SYT13: variants seen among roughly 807,000 people sequenced by gnomAD.
SYT13 encodes synaptotagmin 13.
A neutral mutation model predicts 38.6 loss-of-function variants in SYT13; 21 were observed. The observed-to-expected ratio is 0.54, with a 90% CI of 0.39 to 0.78. The LOEUF is 0.78. SYT13 is among the 30% of genes least tolerant of loss of function. SYT13 has a pLI of 0.00. For synonymous variants in SYT13, 241 were observed against 237.6 expected, an observed-to-expected ratio of 1.01 and a Z score of -0.13; for missense variants, 495 against 548.7, an observed-to-expected ratio of 0.90 and a Z score of 0.98.
In SYT13 at chr11:45,254,290, A is replaced by C. The variant is rs760342964; in HGVS notation, c.524T>G (p.Leu175Trp). 1 of 1,612,452 alleles carries C rather than the reference A, an allele frequency of 6.2e-7. No homozygotes were observed. Among genetic ancestry groups the C allele is most frequent in the Non-Finnish European group, 8.5e-7 (1 of 1,179,468 alleles). The change falls in exon 3 of 6, where the codon TTG becomes TGG. Residue 175 changes from leucine (L) to tryptophan (W), a missense_variant. By Grantham distance (61) the Leu-to-Trp change is moderately conservative. Transcript: ENST00000020926. ...CLDYDCQKAELFVTRLEAVTS... is the reference protein window; with the variant it reads ...CLDYDCQKAEWFVTRLEAVTS... ...CATACCTTCCAGGCGAGTCACAAAC[A>C]ATTCTGCCTTCTGACAGTCATAGTC...
intron 4 of SYT13, among the ~76,000 whole-genome samples, chr11:45,247,690 T>C (rs1202863503): frequency 6.6e-6 from 1 of 152,230 alleles, no homozygotes; most frequent in Admixed American, 6.5e-5. Context: ...AATCGGTTTT[T>C]CTTTGCTCAC....
chr11:45,269,458 C>A, intron 1 of SYT13: 3 of 1,282,756 alleles, frequency 2.3e-6, no homozygotes, highest in Non-Finnish European at 3.0e-6. Context: ...GCAGTCACAT[C>A]ACAAAGCCCT....
At position 45,244,371 on chromosome 11, in the gene SYT13, AG is replaced by A. The variant is rs1854590434; in HGVS notation, c.977-16del. On this transcript the variant is annotated splice_polypyrimidine_tract_variant and intron_variant, in intron 5 of 5. Transcript: ENST00000020926. Reference sequence around the variant, plus strand: ...GACAGAGACATCTGGGGAGGGGCAGAGGGGAAAAAGAGACAGAGAGAAGGGA... The same window carrying A: ...GACAGAGACATCTGGGGAGGGGCAGAGGGAAAAAGAGACAGAGAGAAGGGA... 1.9e-6 allele frequency: 3 copies of A among 1,605,004 alleles called. No homozygotes were observed. Among genetic ancestry groups the A allele is most frequent in the Non-Finnish European group, 2.6e-6 (3 of 1,174,428 alleles).
Position 45,244,121 on chromosome 11 carries a change from G to A in SYT13, c.1212C>T (p.Arg404=), listed in dbSNP as rs909625379. ...TTTTGAGCATCTCCTCCCAGTGGCT[G>A]CGCTCAGAGCCCGAGGTGTGCAGGC... ...SLGLHTSGSE[R]SHWEEMLKNP... Residue 404 remains arginine, a synonymous_variant, in exon 6 of 6, where the codon CGC becomes CGT. Transcript: ENST00000020926. 3 of 1,612,898 alleles carry A rather than the reference G, an allele frequency of 1.9e-6. No individual in the cohort carries two copies. Among genetic ancestry groups the A allele is most frequent in the Non-Finnish European group, 1.7e-6 (2 of 1,179,766 alleles).
rs1288657513 is a variant in SYT13 at position 45,285,828 on chromosome 11, T to C, written c.183+197A>G. 4.2e-6 allele frequency: 3 copies of C among 714,684 alleles called. No homozygotes were observed. The African/African-American group carries it at 5.3e-5, about 13-fold the overall frequency. The allele number at this position is 714,684 out of a possible 1,614,324, so 44.3% of individuals were successfully genotyped here. Reference sequence around the variant, plus strand: ...CTCCCTAATTCTCCTTCAGGTCTCGTCTCCCCCATCCCCTAGCCTCCCCCA... The same window carrying C: ...CTCCCTAATTCTCCTTCAGGTCTCGCCTCCCCCATCCCCTAGCCTCCCCCA... On this transcript the variant is annotated intron_variant, in intron 1 of 5. Transcript: ENST00000020926.
chr11:45,272,504 T>G (rs1376495647), intron 1 of SYT13, among the ~76,000 whole-genome samples: 1 of 152,226 alleles, frequency 6.6e-6, no homozygotes, highest in Non-Finnish European at 1.5e-5. Context: ...GCTTCTAACA[T>G]TCTTCCACCA....
chr11:45,268,359 C>G (rs767860896), intron 1 of SYT13, among the ~76,000 whole-genome samples: 12 of 104,878 alleles, frequency 1.1e-4, no homozygotes, highest in Non-Finnish European at 1.6e-4. Context: ...CTGTCGAGAC[C>G]GGGACAGATG....
In SYT13 at chr11:45,240,747, T is replaced by C. The variant is rs546727520; in HGVS notation, c.*3305A>G. On this transcript the variant is annotated 3_prime_UTR_variant, in exon 6 of 6. Coordinates refer to ENST00000020926, the MANE Select transcript of SYT13 (RefSeq NM_020826.3). ...GCAGACTCCCGATTTTCTATCCCCG[T>C]AGAAATCTCTGAAGAAAGAACCAGA... 3 of 152,354 alleles carry C rather than the reference T, an allele frequency of 2.0e-5. No homozygotes were observed. The South Asian group carries it at 6.2e-4, about 32-fold the overall frequency. 9.4% of individuals were successfully genotyped at this position (152,354 alleles called of 1,614,324 possible). A position where few individuals can be genotyped will look rare whatever the true frequency, so the allele number is the denominator to read the frequency against.
chr11:45,266,350 C>G (rs983573220), intron 1 of SYT13, among the ~76,000 whole-genome samples: 1 of 152,174 alleles, frequency 6.6e-6, no homozygotes, highest in Non-Finnish European at 1.5e-5. Flanking sequence ...ATCTCCAATT[C>G]TATCTTACAA....
chr11:45,261,230 G>A (rs926849667), intron 1 of SYT13, among the ~76,000 whole-genome samples: 1 of 152,206 alleles, frequency 6.6e-6, no homozygotes, highest in Non-Finnish European at 1.5e-5. Context: ...ACATTGGTGA[G>A]GATGTGAAGA....
chr11:45,277,747 A>G (rs528353116), intron 1 of SYT13, among the ~76,000 whole-genome samples: 11 of 152,270 alleles, frequency 7.2e-5, no homozygotes, highest in African/African-American at 2.6e-4. Context: ...CAGTTTGGCC[A>G]TCACTCTTTA....
chr11:45,281,802 C>T (rs974454344), intron 1 of SYT13, among the ~76,000 whole-genome samples: 1 of 152,220 alleles, frequency 6.6e-6, no homozygotes, highest in Non-Finnish European at 1.5e-5. Context: ...TTTGAAAAGA[C>T]TCACTTAAGT....
intron 1 of SYT13, among the ~76,000 whole-genome samples, chr11:45,262,192 G>A (rs1490706914): frequency 6.6e-6 from 1 of 152,164 alleles, no homozygotes; most frequent in Non-Finnish European, 1.5e-5. Flanking sequence ...TTGAGGACAT[G>A]ATGCCAAGTG....
intron 4 of SYT13, among the ~76,000 whole-genome samples, chr11:45,247,511 T>C (rs79534310): frequency 1.6e-4 from 25 of 152,290 alleles, no homozygotes; most frequent in African/African-American, 5.8e-4. Flanking sequence ...GGCCCTTCCC[T>C]CCAGCTTTGT....
Position 45,252,852 on chromosome 11 carries a change from C to T in SYT13, c.545-130G>A. ...CCTTGGGTGTCAGAAAGGCTGACCA[C>T]CCTGGGCACCAGGGAATCGCCTTTC... On this transcript the variant is annotated intron_variant, in intron 3 of 5. Transcript: ENST00000020926. This position sits in a 1 kb window ranked among gnomAD's most constrained non-coding sequence, Gnocchi z 4.3. The T allele has an allele frequency of 2.2e-6, 2 of 912,510 alleles. No homozygotes were observed. The highest frequency in any genetic ancestry group is 3.1e-6 in the Non-Finnish European group (2 of 635,350). The allele number at this position is 912,510 out of a possible 1,614,324, so 56.5% of individuals were successfully genotyped here.
intron 4 of SYT13, among the ~76,000 whole-genome samples, chr11:45,249,976 T>C (rs773482410): frequency 1.1e-4 from 17 of 152,306 alleles, no homozygotes; most frequent in Middle Eastern, 3.4e-3. Context: ...TGGCTGAGTA[T>C]CTTCCAGCTA....
intron 1 of SYT13, among the ~76,000 whole-genome samples, chr11:45,284,393 T>C (rs1291594501): frequency 4.6e-5 from 7 of 152,128 alleles, no homozygotes; most frequent in Admixed American, 2.0e-4. Context: ...CCTCACTGGG[T>C]CAAGAAACAC....
intron 1 of SYT13, among the ~76,000 whole-genome samples, chr11:45,284,166 A>G (rs1016681870): frequency 5.3e-5 from 8 of 152,352 alleles, no homozygotes; most frequent in African/African-American, 1.9e-4. Flanking sequence ...TGATGAAGAA[A>G]GAAACTGGCA....
intron 4 of SYT13, among the ~76,000 whole-genome samples, chr11:45,250,662 G>C (rs973669619): frequency 6.6e-6 from 1 of 152,162 alleles, no homozygotes; most frequent in Admixed American, 6.5e-5. Flanking sequence ...TTAGAGAGTG[G>C]GCTTTGGAAC....
Sources: allele counts gnomAD v4.1 joint callset (sites outside exome capture counted in the v4.1 genomes callset), GRCh38; gene constraint gnomAD v4.1.1; non-coding constraint Gnocchi (gnomAD v3.1); transcripts MANE v1.5; gene names NCBI Gene and HGNC (gene_info 2026-07-23, HGNC 2026-07-21).